Variants in GBE1 observed in about 807,000 individuals in gnomAD.
GBE1 encodes the protein 1,4-alpha-glucan-branching enzyme.
In GBE1, 70 loss-of-function variants were observed where a neutral mutation model predicts 88.8. The observed-to-expected ratio is 0.79, with a 90% CI of 0.65 to 0.96. The LOEUF (loss-of-function observed/expected upper bound fraction) is 0.96. GBE1 is among the 40% of genes least tolerant of loss of function. The probability of loss-of-function intolerance (pLI) is 0.00; values close to 1 mark genes in which losing one functional copy is unlikely to be tolerated. For synonymous variants in GBE1, 284 were observed against 300.1 expected, an observed-to-expected ratio of 0.95 and a Z score of 0.56; for missense variants, 872 against 871.0, an observed-to-expected ratio of 1.00 and a Z score of -0.01.
At chr3:81,651,027 G>A (rs1222654893) in intron 3 of GBE1, among the ~76,000 whole-genome samples, 1 of 152,146 alleles carries the variant, frequency 6.6e-6, no homozygotes, top group Non-Finnish European at 1.5e-5. Flanking sequence ...TTTCTAAAAG[G>A]AGGTAGAATA....
intron 14 of GBE1, among the ~76,000 whole-genome samples, chr3:81,506,894 G>A (rs926560784): frequency 1.3e-5 from 2 of 152,100 alleles, no homozygotes; most frequent in Non-Finnish European, 2.9e-5. Context: ...AAAGAGGAAC[G>A]ACACACTCTG....
chr3:81,524,212 A>G (rs1037496067), intron 14 of GBE1, among the ~76,000 whole-genome samples: 1 of 151,790 alleles, frequency 6.6e-6, no homozygotes, highest in Non-Finnish European at 1.5e-5. Flanking sequence ...GAGATTTCTC[A>G]TTGTAGGTTT....
chr3:81,627,746 CAT>C (rs59598450), intron 7 of GBE1, among the ~76,000 whole-genome samples: 3,945 of 127,058 alleles, frequency 0.031, 136 homozygotes, highest in African/African-American at 0.072. Context: ...ATATATTTTA[CAT>C]ATATATATAT....
At chr3:81,707,120 A>C (rs1489155311) in intron 1 of GBE1, among the ~76,000 whole-genome samples, 1 of 152,114 alleles carries the variant, frequency 6.6e-6, no homozygotes, top group East Asian at 1.9e-4. Flanking sequence ...TATTAAAAAG[A>C]GCATACAATG....
At chr3:81,683,376 A>T (rs929171903) in intron 2 of GBE1, among the ~76,000 whole-genome samples, 2 of 152,224 alleles carry the variant, frequency 1.3e-5, no homozygotes, top group Non-Finnish European at 2.9e-5. Flanking sequence ...AAAAGACCAC[A>T]TAGTGAGATA....
chr3:81,643,195 C>T (rs1704715281), intron 6 of GBE1, among the ~76,000 whole-genome samples: 1 of 152,020 alleles, frequency 6.6e-6, no homozygotes, highest in Admixed American at 6.6e-5. Flanking sequence ...TAATTTAAAT[C>T]GGGTTATTAA....
At chr3:81,702,102 AGTGTGTGTGTGTGTGTGTGTGTGT>A (rs571028865) in intron 2 of GBE1, among the ~76,000 whole-genome samples, 8 of 115,408 alleles carry the variant, frequency 6.9e-5, no homozygotes, top group Non-Finnish European at 9.7e-5. Context: ...AGAGAGAGAG[AGTGTGTGTGTGTGTGTGTGTGTGT>A]GTGTGTGTGT....
rs570568247 is a variant in GBE1 at position 81,520,593 on chromosome 3, T to C, written c.1934+14602A>G. ...AGAAATATAATAATGATTCTGATGATATAAAAGGCATTATGTTTCTTTCTT... is the reference window on the plus strand; with the variant it reads ...AGAAATATAATAATGATTCTGATGACATAAAAGGCATTATGTTTCTTTCTT... On this transcript the variant is annotated intron_variant, in intron 14 of 15. Coordinates refer to ENST00000429644, the MANE Select transcript of GBE1 (RefSeq NM_000158.4). Among the ~76,000 whole-genome samples the C allele has an allele frequency of 2.9e-4, 44 of 151,728 alleles. 2 individuals carry two copies. In the South Asian group the frequency reaches 8.3e-3, roughly 29 times the overall value.
intron 3 of GBE1, among the ~76,000 whole-genome samples, chr3:81,659,490 C>A (rs1034679414): frequency 3.4e-5 from 5 of 149,230 alleles, no homozygotes; most frequent in Non-Finnish European, 7.4e-5. Context: ...TGCATGCCAC[C>A]ACGCCCGGCT....
intron 14 of GBE1, among the ~76,000 whole-genome samples, chr3:81,514,077 T>A (rs1702761155): frequency 6.6e-6 from 1 of 151,632 alleles, no homozygotes; most frequent in South Asian, 2.1e-4. Context: ...CTGAAGAAAA[T>A]AATGTTTCAG....
chr3:81,593,917 G>GTCAC lies in GBE1; in HGVS notation c.1098_1099insGTGA (p.His367ValfsTer11). 6.5e-7 allele frequency: 1 copy of GTCAC among 1,540,360 alleles called. No individual in the cohort carries two copies. The highest frequency in any genetic ancestry group is 1.2e-5 in the South Asian group (1 of 83,552). Reference sequence around the variant, plus strand: ...ATATCAGGTTACCTACCCACTCCATGGTGATGATAAAGCATGGACGTAACA... The same window carrying GTCAC: ...ATATCAGGTTACCTACCCACTCCATGTCACGTGATGATAAAGCATGGACGTAACA... On this transcript the variant is annotated frameshift_variant, in exon 8 of 16. Transcript: ENST00000429644. LOFTEE classifies it high-confidence loss of function.
chr3:81,703,047 T>G (rs951493290), intron 2 of GBE1, among the ~76,000 whole-genome samples: 3 of 151,992 alleles, frequency 2.0e-5, no homozygotes, highest in Non-Finnish European at 4.4e-5. Context: ...GTGGTTCTTA[T>G]AGTAGTTGGG....
chr3:81,655,446 T>C (rs1704920301), intron 3 of GBE1, among the ~76,000 whole-genome samples: 1 of 152,148 alleles, frequency 6.6e-6, no homozygotes, highest in Non-Finnish European at 1.5e-5. Flanking sequence ...TAAGTGATAT[T>C]CCAGATGAAA....
At chr3:81,675,175 G>C (rs1705235319) in intron 2 of GBE1, among the ~76,000 whole-genome samples, 1 of 151,960 alleles carries the variant, frequency 6.6e-6, no homozygotes, top group Non-Finnish European at 1.5e-5. Context: ...TGATGTGTTT[G>C]CGTGTTCTCT....
intron 1 of GBE1, among the ~76,000 whole-genome samples, chr3:81,738,174 C>A (rs554913124): frequency 5.9e-5 from 9 of 151,662 alleles, no homozygotes; most frequent in Non-Finnish European, 1.3e-4. Context: ...TGGGTTGGTT[C>A]CAAGTCTTTG....
intron 12 of GBE1, among the ~76,000 whole-genome samples, chr3:81,566,037 TGTTTGTTA>T (rs1703490150): frequency 6.6e-6 from 1 of 152,222 alleles, no homozygotes; most frequent in Non-Finnish European, 1.5e-5. Flanking sequence ...GGGTTTGCTT[TGTTTGTTA>T]CGGGAAATCC....
intron 1 of GBE1, among the ~76,000 whole-genome samples, chr3:81,708,465 C>T (rs192417086): frequency 2.0e-5 from 3 of 152,106 alleles, no homozygotes; most frequent in Admixed American, 1.3e-4. Context: ...AAGTGCAAAC[C>T]TAAACTTCAA....
At chr3:81,544,462 C>G (rs184576344) in intron 12 of GBE1, among the ~76,000 whole-genome samples, 29 of 152,102 alleles carry the variant, frequency 1.9e-4, no homozygotes, top group African/African-American at 6.0e-4. Flanking sequence ...TTTTTTGAGC[C>G]ATCGCTTGGG....
At chr3:81,699,001 G>T (rs1705645104) in intron 2 of GBE1, among the ~76,000 whole-genome samples, 1 of 151,262 alleles carries the variant, frequency 6.6e-6, no homozygotes. Flanking sequence ...CTTACTTTAG[G>T]TTCACATACG....
Sources: gnomAD v4.1 joint callset for allele counts (sites outside exome capture counted in the v4.1 genomes callset) on GRCh38, gnomAD v4.1.1 for gene constraint, MANE v1.5 for transcripts, NCBI Gene and HGNC (gene_info 2026-07-23, HGNC 2026-07-21) for gene names.